Variants in GPT2 observed in about 807,000 individuals in gnomAD.
The protein encoded by GPT2 is glutamic--pyruvic transaminase 2.
In GPT2, 30 loss-of-function variants were observed where a neutral mutation model predicts 56.9. That is an observed-to-expected ratio of 0.53 (90% CI 0.39 to 0.72). The LOEUF (loss-of-function observed/expected upper bound fraction) is 0.72, where lower values mean the gene tolerates loss of function less well. GPT2 is among the 30% of genes least tolerant of loss of function. The pLI is 0.00. For synonymous variants in GPT2, 271 were observed against 283.1 expected (o/e 0.96, Z 0.43); for missense variants, 542 against 703.4 (o/e 0.77, Z 2.60).
rs1274667680 is a variant in GPT2 at position 46,897,766 on chromosome 16, A to T, written c.333+29A>T. On this transcript the variant is annotated intron_variant, in intron 3 of 11. Coordinates refer to ENST00000340124, the MANE Select transcript of GPT2 (RefSeq NM_133443.4). ...AGCCGCCCCCAGGAGCAGAGGCTGC[A>T]GGAGGGCAGGGCCCTGGGCTGGGCG... is the stretch of plus-strand genomic sequence containing the variant. 3 of 1,604,904 alleles carry T rather than the reference A, an allele frequency of 1.9e-6. No individual in the cohort carries two copies. The African/African-American group carries it at 4.0e-5, about 21-fold the overall frequency.
chr16:46,891,484 A>T (rs938854493), intron 2 of GPT2, among the ~76,000 whole-genome samples: 1 of 151,776 alleles, frequency 6.6e-6, no homozygotes, highest in African/African-American at 2.4e-5. Flanking sequence ...GCTCACTGCA[A>T]TCTCCACCTC....
At position 46,899,209 on chromosome 16, in the gene GPT2, TTTTTGGTAGAGACAGGGTC is replaced by T. The variant is rs1284319174; in HGVS notation, c.334-1470_334-1452del. 9.2e-5 allele frequency among the ~76,000 whole-genome samples: 14 copies of T among 151,878 alleles called. No individual in the cohort carries two copies. In the East Asian group the frequency reaches 2.5e-3, roughly 27 times the overall value. ...CACCACACCCAGCTAATTTTTAAAA[TTTTTGGTAGAGACAGGGTC>T]TTGCTGTGTTGCCCAGGCTGGTCTC... is the stretch of plus-strand genomic sequence containing the variant. On this transcript the variant is annotated intron_variant, in intron 3 of 11. Transcript: ENST00000340124.
chr16:46,908,117 C>T lies in GPT2; in HGVS notation c.576+1142C>T, dbSNP rs943957468. On this transcript the variant is annotated intron_variant, in intron 5 of 11. Transcript: ENST00000340124. Reference sequence around the variant, plus strand: ...GGTTTCAGTCCTGGGTTTGGGAGACCGGTGGAGCCTGCAGTCCTGGGCTTG... The same window carrying T: ...GGTTTCAGTCCTGGGTTTGGGAGACTGGTGGAGCCTGCAGTCCTGGGCTTG... Among the ~76,000 whole-genome samples the T allele has an allele frequency of 3.0e-5, 4 of 131,958 alleles. No individual in the cohort carries two copies. The East Asian group carries it at 7.2e-4, about 24-fold the overall frequency. The allele number at this position is 131,958 out of a possible 152,430, so 86.6% of individuals were successfully genotyped here.
At chr16:46,888,152 C>T (rs1960520835) in intron 2 of GPT2, among the ~76,000 whole-genome samples, 1 of 152,172 alleles carries the variant, frequency 6.6e-6, no homozygotes, top group African/African-American at 2.4e-5. Context: ...AGGCAACAGT[C>T]AGGGCAGACA....
intron 4 of GPT2, among the ~76,000 whole-genome samples, chr16:46,903,532 C>T (rs1960861002): frequency 2.0e-5 from 3 of 152,126 alleles, no homozygotes; most frequent in Non-Finnish European, 4.4e-5. Context: ...CTCTTGAACT[C>T]CTGGGCTCAA....
At position 46,889,743 on chromosome 16, in the gene GPT2, G is replaced by A. The variant is rs114841094; in HGVS notation, c.243+4785G>A. 5.5e-3 allele frequency among the ~76,000 whole-genome samples: 844 copies of A among 152,322 alleles called. 6 individuals carry two copies. Among genetic ancestry groups the A allele is most frequent in the African/African-American group, 0.019 (785 of 41,574 alleles). ...ACCAGTTTATTTCTCTGAAAGACTA[G>A]TTTGAGATGTTAATGATAATGCTTT... On this transcript the variant is annotated intron_variant, in intron 2 of 11. Coordinates refer to ENST00000340124, the MANE Select transcript of GPT2 (RefSeq NM_133443.4).
At chr16:46,924,667 T>C in intron 10 of GPT2, 123 bp downstream of exon 10, 3 of 980,654 alleles carry the variant, frequency 3.1e-6, no homozygotes. Flanking sequence ...TGTATGCACC[T>C]CTCGGCCAGA....
At chr16:46,894,911 C>T (rs1193634167) in intron 2 of GPT2, among the ~76,000 whole-genome samples, 8 of 152,168 alleles carry the variant, frequency 5.3e-5, no homozygotes, top group Admixed American at 4.6e-4. Context: ...GTGATCCGCT[C>T]GCCTCAGCCT....
At chr16:46,885,062 G>T in intron 2 of GPT2, 104 bp downstream of exon 2, 1 of 1,356,660 alleles carries the variant, frequency 7.4e-7, no homozygotes. Context: ...CCCATGGCCA[G>T]CTCCTCAGTC....
intron 8 of GPT2, 97 bp from the exon 9 acceptor site, chr16:46,922,145 T>G: frequency 8.7e-7 from 1 of 1,144,692 alleles, no homozygotes; most frequent in Non-Finnish European, 1.3e-6. Context: ...CCATTTGGTG[T>G]TGGGTGTGGG....
chr16:46,913,298 T>C, intron 6 of GPT2, among the ~76,000 whole-genome samples: 1 of 152,226 alleles, frequency 6.6e-6, no homozygotes, highest in East Asian at 1.9e-4. Flanking sequence ...TAGCATTTAG[T>C]GAACACAGCT....
chr16:46,929,086 CGGGCCTCGCAGAGGCCGCTG>C lies in GPT2; in HGVS notation c.*91_*110del. 9.8e-7 allele frequency: 1 copy of C among 1,022,142 alleles called. No homozygotes were observed. The highest frequency in any genetic ancestry group is 1.8e-5 in the Admixed American group (1 of 54,838). 63.3% of individuals were successfully genotyped at this position (1,022,142 alleles called of 1,614,324 possible). On this transcript the variant is annotated 3_prime_UTR_variant, in exon 12 of 12. Coordinates refer to ENST00000340124, the MANE Select transcript of GPT2 (RefSeq NM_133443.4). The stretch of plus-strand genomic sequence containing the variant: ...ACTCGCCTCCCCCGTGACTCTGCCT[CGGGCCTCGCAGAGGCCGCTG>C]GTCACTTCGTCATCATTTTGCCCCT...
At chr16:46,911,521 T>C (rs193226050) in intron 6 of GPT2, among the ~76,000 whole-genome samples, 4 of 152,300 alleles carry the variant, frequency 2.6e-5, no homozygotes, top group African/African-American at 9.6e-5. Flanking sequence ...GAAAATAACA[T>C]AGAGCTGGCT....
chr16:46,900,679 C>G lies in GPT2; in HGVS notation c.334-3C>G. 6.2e-7 allele frequency: 1 copy of G among 1,611,988 alleles called. No homozygotes were observed. The highest frequency in any genetic ancestry group is 1.7e-4 in the Middle Eastern group (1 of 6,048). ...GAGCTCAGCCTGTGTCTTGTTCCCC[C>G]AGGTGATGGCACTATGCACCTACCC... is the stretch of plus-strand genomic sequence containing the variant. On this transcript the variant is annotated splice_region_variant and splice_polypyrimidine_tract_variant and intron_variant, in intron 3 of 11. Coordinates refer to ENST00000340124, the MANE Select transcript of GPT2 (RefSeq NM_133443.4).
chr16:46,916,774 C>A, intron 7 of GPT2, 67 bp downstream of exon 7: 1 of 1,078,792 alleles, frequency 9.3e-7, no homozygotes, highest in South Asian at 1.2e-5. Context: ...GACCCAGCCC[C>A]CATTGTTCTG....
chr16:46,914,754 C>A lies in GPT2; in HGVS notation c.821-1874C>A, dbSNP rs1410419428. Reference sequence around the variant, plus strand: ...GACGATGAGCGGGGAGAGGCCTTGTCCCTGCCTTGTGGAGCTCATGGGTGC... The same window carrying A: ...GACGATGAGCGGGGAGAGGCCTTGTACCTGCCTTGTGGAGCTCATGGGTGC... On this transcript the variant is annotated intron_variant, in intron 6 of 11. Transcript: ENST00000340124. Among the ~76,000 whole-genome samples the A allele has an allele frequency of 1.6e-4, 24 of 152,100 alleles. 1 individual carries two copies. The highest frequency in any genetic ancestry group is 2.9e-5 in the Non-Finnish European group (2 of 68,034).
At chr16:46,903,230 T>A (rs1003349612) in intron 4 of GPT2, among the ~76,000 whole-genome samples, 10 of 151,794 alleles carry the variant, frequency 6.6e-5, no homozygotes, top group Non-Finnish European at 1.0e-4. Flanking sequence ...GCCTGGGTGA[T>A]GAGAGTGAAA....
At position 46,926,858 on chromosome 16, in the gene GPT2, G is replaced by C; in HGVS notation, c.1369-67G>C. 5 of 1,031,992 alleles carry C rather than the reference G, an allele frequency of 4.8e-6. No homozygotes were observed. The South Asian group carries it at 7.6e-5, about 16-fold the overall frequency. The allele number at this position is 1,031,992 out of a possible 1,614,324, so 63.9% of individuals were successfully genotyped here. A position where few individuals can be genotyped will look rare whatever the true frequency, so the allele number is the denominator to read the frequency against. On this transcript the variant is annotated intron_variant, in intron 10 of 11. Coordinates refer to ENST00000340124, the MANE Select transcript of GPT2 (RefSeq NM_133443.4). ...GAGACCTGCCATTTAGATTACATTT[G>C]GCTTTGAGGGTTGAATGGTGTGTTT...
chr16:46,926,456 A>G (rs1961415409), intron 10 of GPT2, among the ~76,000 whole-genome samples: 2 of 152,178 alleles, frequency 1.3e-5, no homozygotes, highest in African/African-American at 4.8e-5. Flanking sequence ...TGCAAAAAAA[A>G]AAAAAGAATC....
Sources: allele counts gnomAD v4.1 joint callset (sites outside exome capture counted in the v4.1 genomes callset), GRCh38; gene constraint gnomAD v4.1.1; transcripts MANE v1.5; gene names NCBI Gene and HGNC (gene_info 2026-07-23, HGNC 2026-07-21).